PIWIL2: variants seen among roughly 807,000 people sequenced by gnomAD.
PIWIL2 encodes the protein piwi-like protein 2.
In PIWIL2, 81 loss-of-function variants were observed where a neutral mutation model predicts 116.5. That is an observed-to-expected ratio of 0.70 (90% CI 0.58 to 0.84). The LOEUF is 0.84. PIWIL2 is among the 40% of genes least tolerant of loss of function. The probability of loss-of-function intolerance (pLI) is 0.00; values close to 1 mark genes in which losing one functional copy is unlikely to be tolerated. For synonymous variants in PIWIL2, 489 were observed against 429.5 expected (o/e 1.14, Z -1.71); for missense variants, 1,272 against 1,212.3 (o/e 1.05, Z -0.73).
At chr8:22,282,360 G>T (rs1205258620) in intron 4 of PIWIL2, among the ~76,000 whole-genome samples, 1 of 133,018 alleles carries the variant, frequency 7.5e-6, no homozygotes, top group South Asian at 2.5e-4. Flanking sequence ...GCTAATTTTT[G>T]TATTTTTAGT....
rs1296923644 is a variant in PIWIL2 at position 22,310,014 on chromosome 8, T to G, written c.1740T>G (p.Phe580Leu). ...GAATTAACTTAAAAAATACTTCGTT[T>G]ATCACATCTCAGGAACTAAACTGGG... ...MERINLKNTS[F>L]ITSQELNWVK... The change falls in exon 15 of 23, where the codon TTT becomes TTG. Residue 580 changes from phenylalanine (F) to leucine (L), a missense_variant. By Grantham distance (22) the Phe-to-Leu change is conservative (BLOSUM62 0). Coordinates refer to ENST00000356766, the MANE Select transcript of PIWIL2 (RefSeq NM_018068.5). The G allele has an allele frequency of 6.8e-6, 11 of 1,612,316 alleles. No homozygotes were observed. Among genetic ancestry groups the G allele is most frequent in the South Asian group, 1.1e-5 (1 of 91,026 alleles).
intron 21 of PIWIL2, among the ~76,000 whole-genome samples, 156 bp from the exon 22 acceptor site, chr8:22,354,115 C>T (rs1450998769): frequency 1.3e-5 from 2 of 152,010 alleles, no homozygotes; most frequent in East Asian, 3.9e-4. Context: ...AGTCAGGAGA[C>T]CTGGGTTCTA....
chr8:22,277,967 G>A (rs113311452), intron 1 of PIWIL2, among the ~76,000 whole-genome samples: 5 of 151,692 alleles, frequency 3.3e-5, no homozygotes, highest in Admixed American at 6.6e-5. Flanking sequence ...TCGGGAGTTC[G>A]AGACCAGCCT....
intron 16 of PIWIL2, among the ~76,000 whole-genome samples, chr8:22,311,788 G>C (rs971947681): frequency 6.2e-4 from 94 of 152,164 alleles, no homozygotes; most frequent in African/African-American, 2.1e-3. Context: ...AGGCTTTTCA[G>C]TTCTTACCTG....
At position 22,355,398 on chromosome 8, in the gene PIWIL2, A is replaced by C; in HGVS notation, c.2815A>C (p.Arg939=). The part of the protein sequence containing the change: ...HMYWNWPGTI[R]VPAPCKYAHK... The stretch of plus-strand genomic sequence containing the variant: ...GTACTGGAATTGGCCTGGCACCATC[A>C]GAGTTCCAGCTCCTTGCAAGTATGC... Residue 939 remains arginine, a synonymous_variant, in exon 23 of 23, where the codon AGA becomes CGA. Coordinates refer to ENST00000356766, the MANE Select transcript of PIWIL2 (RefSeq NM_018068.5). 1 of 1,614,172 alleles carries C rather than the reference A, an allele frequency of 6.2e-7. No individual in the cohort carries two copies. Among genetic ancestry groups the C allele is most frequent in the Non-Finnish European group, 8.5e-7 (1 of 1,179,982 alleles).
At chr8:22,310,995 A>G (rs1373689923) in intron 15 of PIWIL2, 117 bp from the exon 16 acceptor site, 6 of 855,898 alleles carry the variant, frequency 7.0e-6, no homozygotes, top group South Asian at 1.7e-5. Context: ...GGAGTTAGAT[A>G]AGACAGGATT....
At chr8:22,301,756 C>T (rs905101836) in intron 10 of PIWIL2, among the ~76,000 whole-genome samples, 8 of 151,360 alleles carry the variant, frequency 5.3e-5, no homozygotes, top group Admixed American at 4.6e-4. Context: ...AGTTTTGACT[C>T]ATATTTAGAT....
chr8:22,298,547 A>G (rs1487515412), intron 10 of PIWIL2, among the ~76,000 whole-genome samples: 1 of 152,212 alleles, frequency 6.6e-6, no homozygotes, highest in Non-Finnish European at 1.5e-5. Context: ...TTGACAGCAG[A>G]TCTGAAGAAC....
intron 8 of PIWIL2, among the ~76,000 whole-genome samples, chr8:22,289,558 G>C (rs1034555368): frequency 6.6e-6 from 1 of 152,190 alleles, no homozygotes; most frequent in Non-Finnish European, 1.5e-5. Flanking sequence ...TGCATTCTTC[G>C]TAGTTAGTGG....
rs991909339 is a variant in PIWIL2 at position 22,357,209 on chromosome 8, C to T, written c.*1704C>T. 6.6e-6 allele frequency: 1 copy of T among 152,006 alleles called. No homozygotes were observed. The highest frequency in any genetic ancestry group is 2.4e-5 in the African/African-American group (1 of 41,378). 9.4% of individuals were successfully genotyped at this position (152,006 alleles called of 1,614,324 possible). ...GAATGTTTTTGGTTTGTTGCGGTGC[C>T]CAGCCGAGGTTGAGGAGGGATGGGT... On this transcript the variant is annotated 3_prime_UTR_variant, in exon 23 of 23. Transcript: ENST00000356766.
chr8:22,296,113 T>C (rs1004863045), intron 10 of PIWIL2, among the ~76,000 whole-genome samples: 1 of 145,728 alleles, frequency 6.9e-6, no homozygotes, highest in Non-Finnish European at 1.5e-5. Flanking sequence ...TAGAGTGCAG[T>C]GGTGCGATCT....
At position 22,290,092 on chromosome 8, in the gene PIWIL2, A is replaced by T. The variant is rs1214869018; in HGVS notation, c.1068-141A>T. ...TTGGTTTTTCAGTAAGTTTGCAATA[A>T]TGTCAATTAACTTAGTTTCTTGAGG... is the stretch of plus-strand genomic sequence containing the variant. On this transcript the variant is annotated intron_variant, in intron 9 of 22. Transcript: ENST00000356766. The T allele has an allele frequency of 7.1e-6, 5 of 701,538 alleles. No individual in the cohort carries two copies. The South Asian group carries it at 7.7e-5, about 11-fold the overall frequency. The allele number at this position is 701,538 out of a possible 1,614,324, so 43.5% of individuals were successfully genotyped here. A position where few individuals can be genotyped will look rare whatever the true frequency, so the allele number is the denominator to read the frequency against.
intron 12 of PIWIL2, among the ~76,000 whole-genome samples, chr8:22,305,551 C>G (rs1363904342): frequency 1.3e-5 from 2 of 152,150 alleles, no homozygotes; most frequent in African/African-American, 4.8e-5. Context: ...CCTGACTCCT[C>G]TGTCTTAAAT....
chr8:22,335,430 TA>T (rs1381444906), intron 20 of PIWIL2, among the ~76,000 whole-genome samples: 2 of 168 alleles, frequency 0.012, no homozygotes, highest in Non-Finnish European at 0.026. Context: ...GGTGTGATCA[TA>T]CATAGCTCAC....
Position 22,279,344 on chromosome 8 carries a change from A to G in PIWIL2, c.-43A>G. 2.7e-6 allele frequency: 4 copies of G among 1,477,774 alleles called. No individual in the cohort carries two copies. Among genetic ancestry groups the G allele is most frequent in the Non-Finnish European group, 2.8e-6 (3 of 1,056,374 alleles). 91.5% of individuals were successfully genotyped at this position (1,477,774 alleles called of 1,614,324 possible). A position where few individuals can be genotyped will look rare whatever the true frequency, so the allele number is the denominator to read the frequency against. ...AATCTTTTGAAAATGATGGCAGGTAATTAACCAGAACAGGATCGACACGTG... is the reference window on the plus strand; with the variant it reads ...AATCTTTTGAAAATGATGGCAGGTAGTTAACCAGAACAGGATCGACACGTG... On this transcript the variant is annotated 5_prime_UTR_variant, in exon 2 of 23. Coordinates refer to ENST00000356766, the MANE Select transcript of PIWIL2 (RefSeq NM_018068.5).
chr8:22,345,157 C>T (rs539735741), intron 20 of PIWIL2, among the ~76,000 whole-genome samples: 7 of 152,106 alleles, frequency 4.6e-5, no homozygotes, highest in Non-Finnish European at 8.8e-5. Flanking sequence ...CCACAATACT[C>T]CAGCCAGGGC....
intron 20 of PIWIL2, among the ~76,000 whole-genome samples, chr8:22,327,378 T>G (rs1462656530): frequency 6.7e-6 from 1 of 150,168 alleles, no homozygotes; most frequent in Non-Finnish European, 1.5e-5. Flanking sequence ...CGTTTTTTTT[T>G]TTTTTTGAGA....
At chr8:22,293,420 A>C (rs897164153) in intron 10 of PIWIL2, among the ~76,000 whole-genome samples, 1 of 151,988 alleles carries the variant, frequency 6.6e-6, no homozygotes. Context: ...GTTCACTGCA[A>C]CCTCCACCTT....
At position 22,281,435 on chromosome 8, in the gene PIWIL2, A is replaced by G. The variant is rs763347749; in HGVS notation, c.345A>G (p.Glu115=). The change falls in exon 4 of 23, where the codon GAA becomes GAG. Residue 115 remains glutamate (E), a synonymous_variant. Transcript: ENST00000356766. ...ATCTGGTACGCAAGGACAGGGAGGA[A>G]CTCTCTCCCACTTTTTGGGATCCAA... The part of the protein sequence containing the change: ...SANLVRKDRE[E]LSPTFWDPKV... 13 of 1,604,570 alleles carry G rather than the reference A, an allele frequency of 8.1e-6. No homozygotes were observed. Among genetic ancestry groups the G allele is most frequent in the South Asian group, 2.2e-5 (2 of 89,280 alleles).
Sources: gnomAD v4.1 joint callset for allele counts (sites outside exome capture counted in the v4.1 genomes callset) on GRCh38, gnomAD v4.1.1 for gene constraint, MANE v1.5 for transcripts, NCBI Gene and HGNC (gene_info 2026-07-23, HGNC 2026-07-21) for gene names.